ME3: variants seen among roughly 807,000 people sequenced by gnomAD.
The protein encoded by ME3 is malic enzyme 3.
Under a neutral mutation model 68.9 loss-of-function variants are expected in ME3, and 48 were observed. The observed-to-expected ratio is 0.70, with a 90% CI of 0.55 to 0.89. ME3 has a LOEUF of 0.89. Among genes scored for constraint, ME3 ranks in the 40% least tolerant of loss-of-function variants. The pLI is 0.00. For synonymous variants in ME3, 320 were observed against 318.8 expected (o/e 1.00, Z -0.04); for missense variants, 675 against 797.4 (o/e 0.85, Z 1.85).
intron 2 of ME3, among the ~76,000 whole-genome samples, chr11:86,582,057 A>G (rs886180428): frequency 1.3e-5 from 2 of 152,250 alleles, no homozygotes; most frequent in Non-Finnish European, 2.9e-5. Flanking sequence ...CAAATCTGAT[A>G]ATTTTCTTGC....
At chr11:86,464,602 C>T (rs1950383810) in intron 8 of ME3, among the ~76,000 whole-genome samples, 1 of 152,168 alleles carries the variant, frequency 6.6e-6, no homozygotes, top group African/African-American at 2.4e-5. Context: ...TTTGGAAAGT[C>T]TAAAAGCAAG....
In ME3 at chr11:86,560,722, G is replaced by GTA. The variant is rs1488050126; in HGVS notation, c.184-900_184-899insTA. On this transcript the variant is annotated intron_variant, in intron 2 of 14. Transcript: ENST00000543262. ...TAATGATATGTGTGTGTGTGTGTGT[G>GTA]TGTATGTGTGTGTGTGTGTGTGTGT... 4.1e-3 allele frequency among the ~76,000 whole-genome samples: 302 copies of GTA among 74,210 alleles called. 5 individuals carry two copies. The highest frequency in any genetic ancestry group is 0.016 in the African/African-American group (281 of 18,114). 48.7% of individuals were successfully genotyped at this position (74,210 alleles called of 152,430 possible).
At chr11:86,641,654 C>T (rs1944680806) in intron 2 of ME3, among the ~76,000 whole-genome samples, 1 of 152,178 alleles carries the variant, frequency 6.6e-6, no homozygotes, top group Admixed American at 6.5e-5. Flanking sequence ...AACCAAAGAT[C>T]TTCTACAATT....
chr11:86,591,961 A>G (rs1048359769), intron 2 of ME3, among the ~76,000 whole-genome samples: 14 of 152,264 alleles, frequency 9.2e-5, no homozygotes, highest in Admixed American at 9.2e-4. Flanking sequence ...GAGAAAATAA[A>G]TTTCTATTGT....
At chr11:86,545,682 A>C (rs1268512887) in intron 4 of ME3, among the ~76,000 whole-genome samples, 1 of 152,220 alleles carries the variant, frequency 6.6e-6, no homozygotes, top group Non-Finnish European at 1.5e-5. Flanking sequence ...AACAAATGGA[A>C]AAACATTCCA....
intron 2 of ME3, among the ~76,000 whole-genome samples, chr11:86,591,634 T>C (rs1446419244): frequency 6.6e-6 from 1 of 152,128 alleles, no homozygotes; most frequent in African/African-American, 2.4e-5. Context: ...CTGGGCAATT[T>C]ACAAAATAAA....
chr11:86,499,122 G>A (rs1209655639), intron 5 of ME3, among the ~76,000 whole-genome samples: 1 of 152,196 alleles, frequency 6.6e-6, no homozygotes, highest in Non-Finnish European at 1.5e-5. Context: ...GACAGGTGGA[G>A]ATTGTGGGGT....
At chr11:86,492,662 G>A (rs1427506396) in intron 6 of ME3, among the ~76,000 whole-genome samples, 3 of 152,250 alleles carry the variant, frequency 2.0e-5, no homozygotes, top group Non-Finnish European at 4.4e-5. Context: ...CAAAGTGGGT[G>A]AAGCAGAACT....
intron 2 of ME3, among the ~76,000 whole-genome samples, chr11:86,596,692 TAAAG>T (rs760608805): frequency 2.6e-5 from 4 of 152,164 alleles, no homozygotes; most frequent in Non-Finnish European, 5.9e-5. Flanking sequence ...ACATTATAGA[TAAAG>T]AAACTGAAAT....
chr11:86,648,813 T>C (rs150619384), intron 2 of ME3, among the ~76,000 whole-genome samples: 3,020 of 152,182 alleles, frequency 0.02, 97 homozygotes, highest in African/African-American at 0.063. Context: ...AGTTCTGAAA[T>C]TGAGGCAGTA....
At chr11:86,507,236 G>C (rs1953149041) in intron 5 of ME3, among the ~76,000 whole-genome samples, 1 of 152,220 alleles carries the variant, frequency 6.6e-6, no homozygotes, top group African/African-American at 2.4e-5. Flanking sequence ...GGGAAAAAGA[G>C]AGAGAGGCCA....
At chr11:86,523,984 G>C (rs1954534387) in intron 4 of ME3, among the ~76,000 whole-genome samples, 1 of 152,184 alleles carries the variant, frequency 6.6e-6, no homozygotes, top group African/African-American at 2.4e-5. Context: ...AACTCAGAGA[G>C]AGTTGGTACA....
At chr11:86,641,040 G>C (rs937779266) in intron 2 of ME3, among the ~76,000 whole-genome samples, 4 of 104,056 alleles carry the variant, frequency 3.8e-5, no homozygotes, top group Non-Finnish European at 9.0e-5. Flanking sequence ...TTTCACTGGG[G>C]GGGGGGGTCA....
chr11:86,514,320 A>C (rs1004713307), intron 4 of ME3, among the ~76,000 whole-genome samples: 27 of 152,150 alleles, frequency 1.8e-4, no homozygotes, highest in African/African-American at 6.5e-4. Flanking sequence ...ACTGATACAC[A>C]TGAGATTCTG....
At chr11:86,563,689 C>A (rs1307949402) in intron 2 of ME3, among the ~76,000 whole-genome samples, 1 of 152,100 alleles carries the variant, frequency 6.6e-6, no homozygotes, top group African/African-American at 2.4e-5. Context: ...ATCCCAGCAC[C>A]ATTTATTGAA....
At chr11:86,562,332 A>G (rs750006836) in intron 2 of ME3, among the ~76,000 whole-genome samples, 7 of 152,206 alleles carry the variant, frequency 4.6e-5, no homozygotes, top group Non-Finnish European at 1.0e-4. Flanking sequence ...TGATGATTAT[A>G]AATAAAGTTG....
chr11:86,635,476 G>A (rs982856690), intron 2 of ME3, among the ~76,000 whole-genome samples: 8 of 152,172 alleles, frequency 5.3e-5, no homozygotes, highest in Admixed American at 5.2e-4. Flanking sequence ...GTTTGAATGT[G>A]TCCTCCAAAT....
rs981307452 is a variant in ME3, at chr11:86,617,044, A to G, written c.183+54718T>C. On this transcript the variant is annotated intron_variant, in intron 2 of 14. Coordinates refer to ENST00000543262, the Ensembl canonical transcript of ME3. ...TACATCTAAAATACTCCAAGATAGT[A>G]GTTTTTTTTTTTTTTTTTTTTTTTT... Among the ~76,000 whole-genome samples the G allele has an allele frequency of 3.4e-4, 15 of 43,876 alleles. 1 individual carries two copies. The East Asian group carries it at 6.3e-3, about 18-fold the overall frequency. 28.8% of individuals were successfully genotyped at this position (43,876 alleles called of 152,430 possible).
intron 7 of ME3, among the ~76,000 whole-genome samples, chr11:86,470,559 G>A (rs1303880191): frequency 6.6e-6 from 1 of 152,172 alleles, no homozygotes; most frequent in Non-Finnish European, 1.5e-5. Context: ...TACACAATGT[G>A]TATTAAAAGC....
Sources: allele counts gnomAD v4.1 joint callset (sites outside exome capture counted in the v4.1 genomes callset), GRCh38; gene constraint gnomAD v4.1.1; transcripts MANE v1.5; gene names NCBI Gene and HGNC (gene_info 2026-07-23, HGNC 2026-07-21).